SCRIB: variants seen among roughly 807,000 people sequenced by gnomAD.
SCRIB encodes the protein scribble planar cell polarity protein.
Under a neutral mutation model 170.0 loss-of-function variants are expected in SCRIB, and 72 were observed. That is an observed-to-expected ratio of 0.42 (90% CI 0.35 to 0.52). The LOEUF (loss-of-function observed/expected upper bound fraction) is 0.52. Ranked by LOEUF, SCRIB falls within the 20% of genes least tolerant of loss-of-function variation. The probability of loss-of-function intolerance (pLI) is 0.02; values close to 1 mark genes in which losing one functional copy is unlikely to be tolerated. For missense variants in SCRIB, 2,475 were observed against 2,338.5 expected (o/e 1.06, Z -1.20); for synonymous variants, 1,298 against 1,044.3 (o/e 1.24, Z -4.68).
In SCRIB at chr8:143,809,598, C is replaced by A. The variant is rs118022661; in HGVS notation, c.1651G>T (p.Ala551Ser). 6.2e-7 allele frequency: 1 copy of A among 1,611,398 alleles called. No homozygotes were observed. Among genetic ancestry groups the A allele is most frequent in the Non-Finnish European group, 8.5e-7 (1 of 1,179,864 alleles). Residue 551 changes from alanine to serine, a missense_variant, in exon 14 of 37, where the codon GCC becomes TCC. Physicochemically the swap from Ala to Ser is moderately conservative, Grantham distance 99. This residue lies in a region of SCRIB where 1,966 missense variants were observed against 1,742.9 expected (regional missense o/e 1.13). Transcript: ENST00000356994. ...TCTTCCTCCCCGCCAGCAGTCGTGG[C>A]TTCCTGCTGGCTCCCACCCTGTGCC... ...AEAQGGSQQEATTAGGEEDAE... is the reference protein window; with the variant it reads ...AEAQGGSQQESTTAGGEEDAE...
chr8:143,793,987 G>T (rs376358063), intron 27 of SCRIB, 25 bp from the exon 28 acceptor site: 8 of 1,609,454 alleles, frequency 5.0e-6, no homozygotes, highest in Middle Eastern at 1.7e-4. Flanking sequence ...AGTGGGTGGG[G>T]TGAGGATGGG....
At chr8:143,805,476 C>G (rs781863300) in intron 18 of SCRIB, 41 bp from the exon 19 acceptor site, 1 of 1,434,904 alleles carries the variant, frequency 7.0e-7, no homozygotes, top group Non-Finnish European at 9.1e-7. Flanking sequence ...GACCCAGTGC[C>G]GCCACAGACA....
In SCRIB at chr8:143,812,403, G is replaced by C; in HGVS notation, c.788-19C>G. On this transcript the variant is annotated intron_variant, in intron 8 of 36. Transcript: ENST00000356994. ...AGCTGACCTGGCGTCGGGGAGACAG[G>C]GGGACAAGGCTGAGCATGGTCCCCA... 1 of 1,569,946 alleles carries C rather than the reference G, an allele frequency of 6.4e-7. No homozygotes were observed.
At chr8:143,795,593 G>T in intron 24 of SCRIB, 63 bp from the exon 25 acceptor site, 2 of 1,383,204 alleles carry the variant, frequency 1.4e-6, no homozygotes, top group Non-Finnish European at 2.0e-6. Context: ...CTCTGGGGCA[G>T]GCTGGGGTCC....
intron 18 of SCRIB, 67 bp from the exon 19 acceptor site, chr8:143,805,502 C>G: frequency 2.2e-6 from 3 of 1,375,296 alleles, no homozygotes; most frequent in Non-Finnish European, 2.9e-6. Flanking sequence ...GTGCTGGGGG[C>G]TCCACACGCT....
At chr8:143,792,912 T>C in intron 29 of SCRIB, 45 bp from the exon 30 acceptor site, 3 of 1,500,888 alleles carry the variant, frequency 2.0e-6, no homozygotes, top group Non-Finnish European at 2.7e-6. Flanking sequence ...TCCTCCGAGA[T>C]ACTGGGGCCC....
At chr8:143,809,052 C>T (rs575088289) in intron 14 of SCRIB, 27 bp from the exon 15 acceptor site, 10 of 1,586,468 alleles carry the variant, frequency 6.3e-6, no homozygotes, top group African/African-American at 1.3e-5. Flanking sequence ...GTGAGGGTGG[C>T]CCCAGCTCTG....
At chr8:143,808,381 ACGC>A in intron 15 of SCRIB, among the ~76,000 whole-genome samples, 1 of 148,648 alleles carries the variant, frequency 6.7e-6, no homozygotes. Flanking sequence ...ACTGAGACCA[ACGC>A]CAGGGCAGGC....
In SCRIB at chr8:143,812,914, G is replaced by C; in HGVS notation, c.690C>G (p.Asn230Lys). 6.2e-7 allele frequency: 1 copy of C among 1,612,394 alleles called. No individual in the cohort carries two copies. The highest frequency in any genetic ancestry group is 8.5e-7 in the Non-Finnish European group (1 of 1,179,902). Residue 230 changes from asparagine (N) to lysine (K), a missense_variant, in exon 8 of 37, where the codon AAC (asparagine) becomes AAG (lysine). Around this residue, in one of 3 missense-constraint regions of SCRIB, gnomAD observed 487 missense variants for 558.1 expected, o/e 0.87. Coordinates refer to ENST00000356994, the MANE Select transcript of SCRIB (RefSeq NM_182706.5). The stretch of plus-strand genomic sequence containing the variant: ...GCTCAGCAGGCAGCTCCTCCAGCCG[G>C]TTTTCCGACACGTCCAGGCACACCA... ...RRLVCLDVSE[N>K]RLEELPAELG...
At position 143,813,542 on chromosome 8, in the gene SCRIB, GGCGC is replaced by G. The variant is rs756080005; in HGVS notation, c.447-20_447-17del. The G allele has an allele frequency of 6.2e-7, 1 of 1,613,226 alleles. No individual in the cohort carries two copies. Among genetic ancestry groups the G allele is most frequent in the South Asian group, 1.1e-5 (1 of 91,086 alleles). ...GTTGGCGAGGCTGAAAGAGAGACCAGGCGCTGGGGCAAGAGGAAGGAAAGCAGTG... is the reference window on the plus strand; with the variant it reads ...GTTGGCGAGGCTGAAAGAGAGACCAGTGGGGCAAGAGGAAGGAAAGCAGTG... On this transcript the variant is annotated splice_polypyrimidine_tract_variant and intron_variant, in intron 4 of 36. Transcript: ENST00000356994.
Position 143,804,042 on chromosome 8 carries a change from C to T in SCRIB, c.3120+4G>A. On this transcript the variant is annotated splice_donor_region_variant and intron_variant, in intron 22 of 36. Coordinates refer to ENST00000356994, the MANE Select transcript of SCRIB (RefSeq NM_182706.5). ...CACAGAACCGCCTGGATGGGCCGCC[C>T]TACCTTGGAGATGAACACACCAGGC... The T allele has an allele frequency of 6.2e-7, 1 of 1,603,614 alleles. No homozygotes were observed. Among genetic ancestry groups the T allele is most frequent in the Non-Finnish European group, 8.5e-7 (1 of 1,173,148 alleles).
intron 24 of SCRIB, among the ~76,000 whole-genome samples, chr8:143,796,636 G>A (rs1309942471): frequency 6.6e-6 from 1 of 152,198 alleles, no homozygotes; most frequent in Non-Finnish European, 1.5e-5. Context: ...AACACAGAAA[G>A]CAAAGACTAG....
Position 143,792,798 on chromosome 8 carries a change from G to C in SCRIB, c.4087C>G (p.Leu1363Val). Residue 1363 changes from leucine to valine, a missense_variant, in exon 30 of 37, where the codon CTG becomes GTG. Physicochemically the swap from Leu to Val is conservative, Grantham distance 32. Around this residue, in one of 3 missense-constraint regions of SCRIB, gnomAD observed 1,966 missense variants for 1,742.9 expected, o/e 1.13. Coordinates refer to ENST00000356994, the MANE Select transcript of SCRIB (RefSeq NM_182706.5). ...SFRERQKYFE[L>V]EVRVPQAEGP... ...TCGGCCTGGGGCACGCGCACCTCCAGCTCAAAGTACTTCTGCCGCTCCCGG... is the reference window on the plus strand; with the variant it reads ...TCGGCCTGGGGCACGCGCACCTCCACCTCAAAGTACTTCTGCCGCTCCCGG... 1.9e-6 allele frequency: 3 copies of C among 1,570,564 alleles called. No individual in the cohort carries two copies. Among genetic ancestry groups the C allele is most frequent in the Non-Finnish European group, 2.6e-6 (3 of 1,160,354 alleles).
chr8:143,812,724 C>T, intron 8 of SCRIB, 93 bp downstream of exon 8: 19 of 1,477,144 alleles, frequency 1.3e-5, no homozygotes, highest in Non-Finnish European at 1.7e-5. Context: ...GGATCCTCCC[C>T]TGTGTTCCAC....
rs112220872 is a variant in SCRIB, at chr8:143,803,907, G to C, written c.3154C>G (p.Leu1052Val). Residue 1052 changes from leucine (L) to valine (V), a missense_variant, in exon 23 of 37, where the codon CTG becomes GTG. By Grantham distance (32) the Leu-to-Val change is conservative. Coordinates refer to ENST00000356994, the MANE Select transcript of SCRIB (RefSeq NM_182706.5). ...GCCAGGATGCGGTCCCCAACCCGCA[G>C]GCCGCTGCGAGCGGCCAGGCCCCGC... is the stretch of plus-strand genomic sequence containing the variant. ...LPRGLAARSGLRVGDRILAVN... is the reference protein window; with the variant it reads ...LPRGLAARSGVRVGDRILAVN... The C allele has an allele frequency of 6.3e-7, 1 of 1,591,172 alleles. No individual in the cohort carries two copies. Among genetic ancestry groups the C allele is most frequent in the Non-Finnish European group, 8.6e-7 (1 of 1,168,630 alleles).
In SCRIB at chr8:143,813,484, G is replaced by C; in HGVS notation, c.489C>G (p.Leu163=). 4 of 1,613,256 alleles carry C rather than the reference G, an allele frequency of 2.5e-6. No homozygotes were observed. The highest frequency in any genetic ancestry group is 1.3e-5 in the African/African-American group (1 of 75,058). ...LVTLELRENL[L]KSLPASLSFL... ...GTCACACTCACGCTGGCAGGGACTT[G>C]AGCAGGTTCTCCCGGAGCTCCAGGG... The change falls in exon 5 of 37, where the codon CTC becomes CTG. Residue 163 remains leucine, a synonymous_variant. Coordinates refer to ENST00000356994, the MANE Select transcript of SCRIB (RefSeq NM_182706.5).
In SCRIB at chr8:143,809,303, G is replaced by T. The variant is rs141654449; in HGVS notation, c.1698+248C>A. On this transcript the variant is annotated intron_variant, in intron 14 of 36. Coordinates refer to ENST00000356994, the MANE Select transcript of SCRIB (RefSeq NM_182706.5). ...CGGGGGTCAGAAGAGAGTCCAGGGT[G>T]GGGGTGGGCTCTGTGAGCCCAGCCG... Among the ~76,000 whole-genome samples, 1,012 of 152,206 alleles carry T rather than the reference G, an allele frequency of 6.6e-3. 30 individuals are homozygous for T. The highest frequency in any genetic ancestry group is 0.055 in the Admixed American group (840 of 15,292).
Position 143,792,258 on chromosome 8 carries a change from G to T in SCRIB, c.4476C>A (p.Ala1492=). The change falls in exon 32 of 37, where the codon GCC becomes GCA. Residue 1492 remains alanine (A), a synonymous_variant. Transcript: ENST00000356994. ...ERALSPAELR[A]LEAEKRALWR... Reference sequence around the variant, plus strand: ...ACAGCGCACGCTTCTCGGCCTCCAGGGCCCGGAGCTCGGCAGGGGACAGGG... The same window carrying T: ...ACAGCGCACGCTTCTCGGCCTCCAGTGCCCGGAGCTCGGCAGGGGACAGGG... The T allele has an allele frequency of 6.4e-7, 1 of 1,573,590 alleles. No homozygotes were observed. The highest frequency in any genetic ancestry group is 8.6e-7 in the Non-Finnish European group (1 of 1,166,948).
rs1301452188 is a variant in SCRIB, at chr8:143,809,716, C to T, written c.1533G>A (p.Glu511=). Residue 511 remains glutamate, a splice_region_variant and synonymous_variant, in exon 14 of 37, where the codon GAG becomes GAA. Transcript: ENST00000356994. ...DSGSPLPAEE[E]KRLSAESGLS... ...GGCCAGACTCGGCACTCAGCCGCTTCTCCTGCGGCGGGAAGTGGGGTCAGG... is the reference window on the plus strand; with the variant it reads ...GGCCAGACTCGGCACTCAGCCGCTTTTCCTGCGGCGGGAAGTGGGGTCAGG... 2 of 1,607,640 alleles carry T rather than the reference C, an allele frequency of 1.2e-6. No individual in the cohort carries two copies. Among genetic ancestry groups the T allele is most frequent in the Non-Finnish European group, 1.7e-6 (2 of 1,178,930 alleles).
Sources: allele counts gnomAD v4.1 joint callset (sites outside exome capture counted in the v4.1 genomes callset), GRCh38; gene constraint gnomAD v4.1.1; regional missense constraint gnomAD v4.1.1; transcripts MANE v1.5; gene names NCBI Gene and HGNC (gene_info 2026-07-23, HGNC 2026-07-21).